Variants in NHERF2 observed in about 807,000 individuals in gnomAD.
NHERF2 encodes Na(+)/H(+) exchange regulatory cofactor NHE-RF2.
chr16:2,030,769 C>G, the NHERF2 span, among the ~76,000 whole-genome samples: 1 of 151,936 alleles, frequency 6.6e-6, no homozygotes, highest in African/African-American at 2.4e-5. Flanking sequence ...GTGAAACCCC[C>G]GTCTCTACTA....
At chr16:2,035,230 TG>T in the NHERF2 span, among the ~76,000 whole-genome samples, 1 of 152,096 alleles carries the variant, frequency 6.6e-6, no homozygotes, top group Admixed American at 6.5e-5. Context: ...AGGACCCCCT[TG>T]CTCCCTTGGC....
the NHERF2 span, chr16:2,036,791 G>C: frequency 5.0e-6 from 8 of 1,613,554 alleles, no homozygotes; most frequent in Non-Finnish European, 5.9e-6. Flanking sequence ...CAAGGCACGG[G>C]AGGACGAGGC....
At chr16:2,037,955 A>C in the NHERF2 span, 1 of 1,613,572 alleles carries the variant, frequency 6.2e-7, no homozygotes, top group Non-Finnish European at 8.5e-7. Context: ...GGACTGGAAC[A>C]GGAAGCGTGA....
chr16:2,036,222 G>A, the NHERF2 span: 2,132 of 1,237,252 alleles, frequency 1.7e-3, 3 homozygotes, highest in Non-Finnish European at 2.0e-3. Flanking sequence ...CTGCCCGTGG[G>A]GGGCACGGTA....
At chr16:2,037,013 T>A in the NHERF2 span, 11 of 1,549,196 alleles carry the variant, frequency 7.1e-6, no homozygotes, top group Non-Finnish European at 9.6e-6. Context: ...GAGGGTGGGG[T>A]GCCCATGAGA....
chr16:2,032,311 C>T, the NHERF2 span, among the ~76,000 whole-genome samples: 5 of 152,314 alleles, frequency 3.3e-5, no homozygotes, highest in South Asian at 2.1e-4. This position sits in a 1 kb window ranked among gnomAD's most constrained non-coding sequence, Gnocchi z 4.0. Flanking sequence ...TGAGCCCCTG[C>T]GCCTGGCTCA....
chr16:2,038,402 C>A, the NHERF2 span: 4 of 295,482 alleles, frequency 1.4e-5, no homozygotes, highest in African/African-American at 1.6e-4. Flanking sequence ...TACCAGAGAC[C>A]CCCCCCCTTC....
At chr16:2,037,719 C>T in the NHERF2 span, 3 of 1,551,312 alleles carry the variant, frequency 1.9e-6, no homozygotes, top group South Asian at 3.6e-5. Flanking sequence ...CTCGTGAGCC[C>T]CAGCCCCAGC....
chr16:2,033,793 C>G, the NHERF2 span, among the ~76,000 whole-genome samples: 5 of 152,150 alleles, frequency 3.3e-5, no homozygotes, highest in Non-Finnish European at 5.9e-5. Context: ...GAACGCCGCC[C>G]GAGCTCCTCG....
chr16:2,037,729 C>G, the NHERF2 span: 24 of 1,549,664 alleles, frequency 1.5e-5, no homozygotes, highest in Non-Finnish European at 1.7e-5. Flanking sequence ...CCAGCCCCAG[C>G]AGGCAGCCTC....
the NHERF2 span, among the ~76,000 whole-genome samples, chr16:2,028,146 T>C: frequency 6.6e-6 from 1 of 152,238 alleles, no homozygotes; most frequent in Non-Finnish European, 1.5e-5. Context: ...ACAGCACCGA[T>C]GAATCCATAA....
chr16:2,036,387 G>A, the NHERF2 span: 4 of 1,610,486 alleles, frequency 2.5e-6, no homozygotes, highest in East Asian at 2.2e-5. Flanking sequence ...GGGACCTCAG[G>A]GCTATGGGTT....
chr16:2,030,089 C>T, the NHERF2 span, among the ~76,000 whole-genome samples: 69 of 152,360 alleles, frequency 4.5e-4, no homozygotes, highest in African/African-American at 1.5e-3. Flanking sequence ...CCCCCAGCCT[C>T]GTGGCTGAGG....
chr16:2,029,186 G>A, the NHERF2 span, among the ~76,000 whole-genome samples: 5 of 152,206 alleles, frequency 3.3e-5, no homozygotes, highest in African/African-American at 1.2e-4. Flanking sequence ...CTTTGAAACA[G>A]ATGGATGCAT....
At chr16:2,027,087 G>T in the NHERF2 span, 1 of 1,458,038 alleles carries the variant, frequency 6.9e-7, no homozygotes, top group Non-Finnish European at 9.0e-7. Context: ...CCTGCACGGC[G>T]AGAAGGGCCG....
chr16:2,027,167 C>T, the NHERF2 span: 2 of 1,474,414 alleles, frequency 1.4e-6, no homozygotes, highest in East Asian at 5.9e-5. Context: ...GCGCTGGGGA[C>T]CGCCTGGTCG....
chr16:2,031,445 C>T, the NHERF2 span, among the ~76,000 whole-genome samples: 1 of 152,298 alleles, frequency 6.6e-6, no homozygotes, highest in South Asian at 2.1e-4. Context: ...TGGACACAAA[C>T]GCATGGTTCA....
the NHERF2 span, chr16:2,036,102 C>T: frequency 5.0e-5 from 26 of 517,352 alleles, no homozygotes; most frequent in Admixed American, 5.5e-4. Context: ...GCGGCTGGGC[C>T]CGTCGGGGAG....
At chr16:2,038,325 T>A in the NHERF2 span, 26 of 501,686 alleles carry the variant, frequency 5.2e-5, no homozygotes, top group Admixed American at 8.5e-5. Context: ...GCCTGCTGAC[T>A]GAAAGGAATT....
Sources: allele counts gnomAD v4.1 joint callset (sites outside exome capture counted in the v4.1 genomes callset), GRCh38; gene constraint gnomAD v4.1.1; non-coding constraint Gnocchi (gnomAD v3.1); transcripts MANE v1.5; gene names NCBI Gene and HGNC (gene_info 2026-07-23, HGNC 2026-07-21).